The following IAH1 variants were observed in gnomAD, a reference collection of about 807,000 sequenced individuals.
IAH1 encodes isoamyl acetate hydrolyzing esterase 1 (putative).
In IAH1, 24 loss-of-function variants were observed where a neutral mutation model predicts 26.7. The observed-to-expected ratio is 0.90, with a 90% CI of 0.65 to 1.26. The LOEUF (loss-of-function observed/expected upper bound fraction) is 1.26, where lower values mean the gene tolerates loss of function less well. Among genes scored for constraint, IAH1 ranks in the 50% most tolerant of loss-of-function variants. The probability of loss-of-function intolerance (pLI) is 0.00; values close to 1 mark genes in which losing one functional copy is unlikely to be tolerated. For synonymous variants in IAH1, 140 were observed against 118.5 expected, an observed-to-expected ratio of 1.18 and a Z score of -1.18; for missense variants, 300 against 299.9, an observed-to-expected ratio of 1.00 and a Z score of 0.00.
chr2:9,477,265 G>A (rs978055610), intron 2 of IAH1, among the ~76,000 whole-genome samples: 1 of 152,034 alleles, frequency 6.6e-6, no homozygotes. Context: ...GTTCTCCGCG[G>A]GTGCCCCAGC....
At chr2:9,489,814 TA>T (rs5829218), downstream of IAH1, 4 of 156,332 alleles carry the variant, frequency 2.6e-5, no homozygotes, top group South Asian at 1.9e-4. Flanking sequence ...TTACAGTGTA[TA>T]AAAAAAAACT....
intron 3 of IAH1, among the ~76,000 whole-genome samples, chr2:9,479,855 C>G (rs1053204873): frequency 4.3e-5 from 5 of 116,452 alleles, no homozygotes; most frequent in African/African-American, 1.7e-4. Flanking sequence ...CTTGCCTAGG[C>G]TGGAATGAAG....
the IAH1 span, chr2:9,502,372 C>T: frequency 1.1e-5 from 12 of 1,048,816 alleles, no homozygotes; most frequent in Middle Eastern, 2.9e-4. Flanking sequence ...TGAAGATCAC[C>T]GGGGAAGACC....
At chr2:9,504,444 A>T in the IAH1 span, among the ~76,000 whole-genome samples, 1 of 150,568 alleles carries the variant, frequency 6.6e-6, no homozygotes, top group Non-Finnish European at 1.5e-5. Flanking sequence ...ACGCCGTCTC[A>T]AAATAAATAA....
chr2:9,498,350 C>G (rs1662771302), downstream of IAH1, among the ~76,000 whole-genome samples: 1 of 152,104 alleles, frequency 6.6e-6, no homozygotes, highest in African/African-American at 2.4e-5. Flanking sequence ...CCAAAGAAAA[C>G]CCACCAAAGA....
Position 9,478,267 on chromosome 2 carries a change from G to A in IAH1, c.180G>A (p.Arg60=), listed in dbSNP as rs1660944593. 1.2e-6 allele frequency: 2 copies of A among 1,612,930 alleles called. No homozygotes were observed. Among genetic ancestry groups the A allele is most frequent in the South Asian group, 2.2e-5 (2 of 90,742 alleles). The change falls in exon 3 of 6, where the codon AGG becomes AGA. Residue 60 remains arginine (R), a synonymous_variant. Transcript: ENST00000497473. The part of the protein sequence containing the change: ...LNRGFSGYNT[R]WAKIILPRLI... ...GTGGATTTTCAGGTTACAATACCAG[G>A]TGGGCCAAAATTATCCTTCCAAGAT... is the stretch of plus-strand genomic sequence containing the variant.
At chr2:9,510,476 C>T in the IAH1 span, among the ~76,000 whole-genome samples, 1 of 151,902 alleles carries the variant, frequency 6.6e-6, no homozygotes, top group South Asian at 2.1e-4. Flanking sequence ...CCAGCCTGGC[C>T]AACATGGTGA....
At chr2:9,506,740 TG>T in the IAH1 span, 1 of 152,112 alleles carries the variant, frequency 6.6e-6, no homozygotes, top group Non-Finnish European at 1.5e-5. Context: ...GTCATTTTGG[TG>T]GGTTTATTCA....
chr2:9,487,833 T>TGTGTGTGTGTGCGC (rs1192269311), intron 5 of IAH1, among the ~76,000 whole-genome samples: 1 of 82,706 alleles, frequency 1.2e-5, no homozygotes, highest in African/African-American at 4.7e-5. Context: ...TGTGTGTGTG[T>TGTGTGTGTGTGCGC]GCGCGCGCGC....
the IAH1 span, chr2:9,512,343 A>G: frequency 1.1e-4 from 16 of 152,266 alleles, no homozygotes; most frequent in South Asian, 3.1e-3. Flanking sequence ...ACCAAAGAAA[A>G]TATGTCATGA....
chr2:9,482,166 T>A (rs1188415976), intron 4 of IAH1, among the ~76,000 whole-genome samples: 1 of 151,698 alleles, frequency 6.6e-6, no homozygotes, highest in Non-Finnish European at 1.5e-5. Flanking sequence ...GTAGCTGGGA[T>A]TATGGGTGTG....
downstream of IAH1, chr2:9,490,373 T>G (rs748739807): frequency 1.2e-6 from 2 of 1,614,142 alleles, no homozygotes; most frequent in Non-Finnish European, 1.7e-6. Flanking sequence ...CTGGATGGTG[T>G]CCATTCTCTG....
the IAH1 span, among the ~76,000 whole-genome samples, chr2:9,510,765 G>A: frequency 6.6e-6 from 1 of 152,094 alleles, no homozygotes; most frequent in African/African-American, 2.4e-5. Context: ...CCAGGAGGCT[G>A]AGGCTACAGT....
intron 4 of IAH1, among the ~76,000 whole-genome samples, chr2:9,483,515 G>A (rs1048716692): frequency 6.6e-6 from 1 of 152,132 alleles, no homozygotes; most frequent in Non-Finnish European, 1.5e-5. Flanking sequence ...TAGTTTCTTC[G>A]CTGTGATGTA....
the IAH1 span, among the ~76,000 whole-genome samples, chr2:9,505,905 C>T: frequency 7.4e-4 from 112 of 152,278 alleles, no homozygotes; most frequent in African/African-American, 2.5e-3. Context: ...CATAATAGTA[C>T]ATTTTATATA....
chr2:9,490,143 T>G, downstream of IAH1: 1 of 1,529,158 alleles, frequency 6.5e-7, no homozygotes, highest in East Asian at 2.3e-5. Context: ...TAAAAATATT[T>G]TGCACACTTA....
intron 2 of IAH1, among the ~76,000 whole-genome samples, chr2:9,477,191 G>C (rs1660860981): frequency 6.6e-6 from 1 of 152,196 alleles, no homozygotes; most frequent in Non-Finnish European, 1.5e-5. Flanking sequence ...TGAGAACTTT[G>C]AGCAGTGTCA....
intron 1 of IAH1, chr2:9,475,569 C>T (rs530437321): frequency 1.1e-3 from 241 of 225,750 alleles, no homozygotes; most frequent in Admixed American, 2.3e-3. Flanking sequence ...AGCGCGATCT[C>T]GGCTCACTGC....
intron 3 of IAH1, among the ~76,000 whole-genome samples, chr2:9,479,075 G>A (rs7561588): frequency 0.09 from 13,707 of 152,090 alleles, 711 homozygotes; most frequent in African/African-American, 0.14. Context: ...TGGACATGAA[G>A]GAACACCAAC....
Sources: gnomAD v4.1 joint callset for allele counts (sites outside exome capture counted in the v4.1 genomes callset) on GRCh38, gnomAD v4.1.1 for gene constraint, MANE v1.5 for transcripts, NCBI Gene and HGNC (gene_info 2026-07-23, HGNC 2026-07-21) for gene names.